The following PRDM16 variants were observed in gnomAD, a reference collection of about 807,000 sequenced individuals.
The protein encoded by PRDM16 is histone-lysine N-methyltransferase PRDM16.
PRDM16 carries 23 observed loss-of-function variants against 110.6 expected under a neutral mutation model. The observed-to-expected ratio is 0.21, with a 90% CI of 0.15 to 0.29. The LOEUF is 0.29. Among genes scored for constraint, PRDM16 ranks in the 10% least tolerant of loss-of-function variants. The probability of loss-of-function intolerance (pLI) is 1.00; values close to 1 mark genes in which losing one functional copy is unlikely to be tolerated. For missense variants in PRDM16, 1,615 were observed against 1,794.3 expected (o/e 0.90, Z 1.81); for synonymous variants, 799 against 781.8 (o/e 1.02, Z -0.37).
chr1:3,109,010 A>T (rs181551100), intron 1 of PRDM16, among the ~76,000 whole-genome samples: 56 of 151,858 alleles, frequency 3.7e-4, no homozygotes, highest in African/African-American at 1.3e-3. Flanking sequence ...TGAACCTGGG[A>T]GGTGGAGGTT....
intron 8 of PRDM16, among the ~76,000 whole-genome samples, chr1:3,410,116 GGT>G (rs1491225877): frequency 1.3e-5 from 2 of 150,072 alleles, no homozygotes; most frequent in African/African-American, 2.5e-5. Flanking sequence ...GCGTGTGTGT[GGT>G]GTGTGTGCAT....
rs868416991 is a variant in PRDM16, at chr1:3,180,932, C to A, written c.38-5193C>A. Among the ~76,000 whole-genome samples, 197 of 135,756 alleles carry A rather than the reference C, an allele frequency of 1.5e-3. 1 individual carries two copies. The highest frequency in any genetic ancestry group is 3.0e-3 in the South Asian group (12 of 3,964). 89.1% of individuals were successfully genotyped at this position (135,756 alleles called of 152,430 possible). ...CTTACACGCAGCCTTACACACGCAG[C>A]CACACACGCAGCCTTACACACGCAG... is the stretch of plus-strand genomic sequence containing the variant. On this transcript the variant is annotated intron_variant, in intron 1 of 16. Transcript: ENST00000270722.
At chr1:3,326,416 G>A (rs2100475367) in intron 3 of PRDM16, among the ~76,000 whole-genome samples, 1 of 152,334 alleles carries the variant, frequency 6.6e-6, no homozygotes, top group South Asian at 2.1e-4. Flanking sequence ...GTGAGGGCAT[G>A]AATTTTAGGA....
intron 1 of PRDM16, among the ~76,000 whole-genome samples, chr1:3,103,493 G>A (rs528071750): frequency 6.6e-6 from 1 of 152,226 alleles, no homozygotes; most frequent in African/African-American, 2.4e-5. Flanking sequence ...TCCTCGAAAT[G>A]TCGTGTTGAC....
chr1:3,306,080 C>G (rs1256683656), intron 3 of PRDM16, among the ~76,000 whole-genome samples: 2 of 152,202 alleles, frequency 1.3e-5, no homozygotes, highest in African/African-American at 4.8e-5. Context: ...GTGAACGGTT[C>G]TAACCATTCA....
rs1301660097 is a variant in PRDM16, at chr1:3,350,702, C to G, written c.439-34450C>G. On this transcript the variant is annotated intron_variant, in intron 3 of 16. Coordinates refer to ENST00000270722, the MANE Select transcript of PRDM16 (RefSeq NM_022114.4). This position sits in a 1 kb window ranked among gnomAD's most constrained non-coding sequence, Gnocchi z 7.1. The stretch of plus-strand genomic sequence containing the variant: ...GCAGGGCTTTGGCACCATGCAGCCT[C>G]CCAGATGGCCGGGCCGGGCTGGTTC... Among the ~76,000 whole-genome samples, 1 of 152,118 alleles carries G rather than the reference C, an allele frequency of 6.6e-6. No individual in the cohort carries two copies. The highest frequency in any genetic ancestry group is 1.9e-4 in the East Asian group (1 of 5,152).
rs916218129 is a variant in PRDM16, at chr1:3,190,978, G to A, written c.387+4504G>A. ...AGGGTCCTGCAGCTTGGGGCCTGCT[G>A]GGGCGGGATCCCGCAGGACCCCCAG... On this transcript the variant is annotated intron_variant, in intron 2 of 16. Coordinates refer to ENST00000270722, the MANE Select transcript of PRDM16 (RefSeq NM_022114.4). The surrounding 1 kb of genome is among the most constrained non-coding windows in gnomAD (Gnocchi z 5.0). Among the ~76,000 whole-genome samples, 2 of 152,118 alleles carry A rather than the reference G, an allele frequency of 1.3e-5. No individual in the cohort carries two copies. The highest frequency in any genetic ancestry group is 2.9e-5 in the Non-Finnish European group (2 of 68,022).
intron 3 of PRDM16, among the ~76,000 whole-genome samples, chr1:3,310,290 T>A (rs74048217): frequency 0.1 from 15,571 of 152,154 alleles, 946 homozygotes; most frequent in African/African-American, 0.16. Context: ...GCCTGCAGTG[T>A]GCACACACCT....
intron 2 of PRDM16, among the ~76,000 whole-genome samples, chr1:3,191,158 C>T (rs2100807696): frequency 6.6e-6 from 1 of 152,360 alleles, no homozygotes; most frequent in Non-Finnish European, 1.5e-5. Context: ...GTGCCTCTGC[C>T]TCTGCTGAAG....
At chr1:3,147,109 C>T (rs112725170) in intron 1 of PRDM16, among the ~76,000 whole-genome samples, 1,351 of 124,062 alleles carry the variant, frequency 0.011, 31 homozygotes, top group African/African-American at 0.041. Flanking sequence ...TGTGTGTACG[C>T]GTGTGCTCGG....
At chr1:3,269,718 G>A (rs1041525849) in intron 3 of PRDM16, among the ~76,000 whole-genome samples, 3 of 151,058 alleles carry the variant, frequency 2.0e-5, no homozygotes, top group South Asian at 2.1e-4. Flanking sequence ...GCACAGTCCC[G>A]GAGGAGGACA....
At chr1:3,146,649 G>C in intron 1 of PRDM16, among the ~76,000 whole-genome samples, 1 of 149,514 alleles carries the variant, frequency 6.7e-6, no homozygotes, top group South Asian at 2.1e-4. Flanking sequence ...TGGGGTGTGT[G>C]TGTGCACGTG....
chr1:3,090,214 A>T (rs1391554010), intron 1 of PRDM16, among the ~76,000 whole-genome samples: 2 of 152,218 alleles, frequency 1.3e-5, no homozygotes, highest in South Asian at 2.1e-4. Context: ...CTGGTCCCCC[A>T]CAGGACATGC....
At position 3,244,300 on chromosome 1, in the gene PRDM16, C is replaced by T. The variant is rs147102672; in HGVS notation, c.438+163C>T. ...TCTGTGGACTGACGTGTGCACAGGACGGTGGCTTTGCTGTCATTAGGAGGG... is the reference window on the plus strand; with the variant it reads ...TCTGTGGACTGACGTGTGCACAGGATGGTGGCTTTGCTGTCATTAGGAGGG... On this transcript the variant is annotated intron_variant, in intron 3 of 16. Transcript: ENST00000270722. The surrounding 1 kb of genome is among the most constrained non-coding windows in gnomAD (Gnocchi z 4.1). 1.1e-3 allele frequency among the ~76,000 whole-genome samples: 164 copies of T among 152,192 alleles called. No homozygotes were observed. The highest frequency in any genetic ancestry group is 3.8e-3 in the African/African-American group (157 of 41,536).
Position 3,301,641 on chromosome 1 carries a change from C to T in PRDM16, c.438+57504C>T, listed in dbSNP as rs115920906. The stretch of plus-strand genomic sequence containing the variant: ...CTGTGTCCAGGGCTCGAAAAACGTC[C>T]GGTGGGCAGGACAGGGGATAGAGAA... On this transcript the variant is annotated intron_variant, in intron 3 of 16. Transcript: ENST00000270722. Among the ~76,000 whole-genome samples, 816 of 152,252 alleles carry T rather than the reference C, an allele frequency of 5.4e-3. 11 individuals are homozygous for T. The highest frequency in any genetic ancestry group is 0.018 in the African/African-American group (758 of 41,542).
intron 2 of PRDM16, among the ~76,000 whole-genome samples, chr1:3,221,525 T>C (rs79230238): frequency 8.2e-4 from 125 of 152,346 alleles, no homozygotes; most frequent in Non-Finnish European, 1.4e-3. Context: ...TTAGTCAAAA[T>C]AAAGCATTGC....
intron 3 of PRDM16, among the ~76,000 whole-genome samples, chr1:3,330,137 G>C (rs972556270): frequency 6.6e-6 from 1 of 152,158 alleles, no homozygotes; most frequent in African/African-American, 2.4e-5. Flanking sequence ...CTTCACCTTG[G>C]GCTTGTCAAA....
intron 1 of PRDM16, among the ~76,000 whole-genome samples, chr1:3,142,652 G>A (rs763804109): frequency 2.6e-5 from 4 of 152,156 alleles, no homozygotes; most frequent in South Asian, 2.1e-4. Context: ...CCCAGGGTGC[G>A]CACAGGCAAC....
Position 3,181,820 on chromosome 1 carries a change from GCGGT to G in PRDM16, c.38-4303_38-4300del, listed in dbSNP as rs1181403909. Among the ~76,000 whole-genome samples the G allele has an allele frequency of 4.8e-3, 177 of 37,126 alleles. 1 individual carries two copies. The highest frequency in any genetic ancestry group is 9.9e-3 in the Admixed American group (30 of 3,022). 24.4% of individuals were successfully genotyped at this position (37,126 alleles called of 152,430 possible). ...CAGTCTTACACACGGTCTTACACAT[GCGGT>G]CTTACACATTCAGTCTTACACACGG... On this transcript the variant is annotated intron_variant, in intron 1 of 16. Transcript: ENST00000270722.
Sources: allele counts gnomAD v4.1 joint callset (sites outside exome capture counted in the v4.1 genomes callset), GRCh38; gene constraint gnomAD v4.1.1; non-coding constraint Gnocchi (gnomAD v3.1); transcripts MANE v1.5; gene names NCBI Gene and HGNC (gene_info 2026-07-23, HGNC 2026-07-21).